NKAIN2: variants seen among roughly 807,000 people sequenced by gnomAD.
NKAIN2 encodes the protein sodium/potassium transporting ATPase interacting 2.
NKAIN2 carries 14 observed loss-of-function variants against 32.6 expected under a neutral mutation model. The observed-to-expected ratio is 0.43, with a 90% CI of 0.28 to 0.67. The LOEUF (loss-of-function observed/expected upper bound fraction) is 0.67. Among genes scored for constraint, NKAIN2 ranks in the 30% least tolerant of loss-of-function variants. NKAIN2 has a pLI of 0.17. For synonymous variants in NKAIN2, 80 were observed against 87.2 expected, an observed-to-expected ratio of 0.92 and a Z score of 0.46; for missense variants, 198 against 258.3, an observed-to-expected ratio of 0.77 and a Z score of 1.60.
chr6:124,011,970 T>C (rs900636277), intron 1 of NKAIN2, among the ~76,000 whole-genome samples: 3 of 152,196 alleles, frequency 2.0e-5, no homozygotes, highest in African/African-American at 7.2e-5. Context: ...TAGGTCAATC[T>C]GAGGTCTTGT....
At chr6:124,299,347 T>G (rs1796201411) in intron 2 of NKAIN2, among the ~76,000 whole-genome samples, 1 of 152,238 alleles carries the variant, frequency 6.6e-6, no homozygotes, top group Non-Finnish European at 1.5e-5. Context: ...ATTTGGAGAC[T>G]GAAACTGATA....
intron 1 of NKAIN2, among the ~76,000 whole-genome samples, chr6:124,112,055 TC>T (rs1282666389): frequency 6.6e-6 from 1 of 152,154 alleles, no homozygotes; most frequent in African/African-American, 2.4e-5. Flanking sequence ...AATAATTTTT[TC>T]TTTTAACTTT....
At chr6:124,736,093 C>A (rs1227954343) in intron 4 of NKAIN2, among the ~76,000 whole-genome samples, 3 of 151,794 alleles carry the variant, frequency 2.0e-5, no homozygotes, top group African/African-American at 7.3e-5. Flanking sequence ...AGGAAAAGTT[C>A]TTGAAGGAAA....
intron 1 of NKAIN2, among the ~76,000 whole-genome samples, chr6:124,214,095 A>G (rs1004918672): frequency 1.3e-5 from 2 of 152,202 alleles, no homozygotes; most frequent in Non-Finnish European, 2.9e-5. Context: ...ACAATAGACA[A>G]AACAATAAAT....
At chr6:124,651,262 G>C (rs928842188) in intron 3 of NKAIN2, among the ~76,000 whole-genome samples, 1 of 152,184 alleles carries the variant, frequency 6.6e-6, no homozygotes, top group African/African-American at 2.4e-5. Flanking sequence ...TCACAGGATA[G>C]GGTGTCATGA....
intron 3 of NKAIN2, among the ~76,000 whole-genome samples, chr6:124,469,949 T>A (rs1016972912): frequency 1.3e-5 from 2 of 152,184 alleles, no homozygotes; most frequent in African/African-American, 4.8e-5. Flanking sequence ...CTTCACTTAC[T>A]TCACCCTGAT....
intron 4 of NKAIN2, among the ~76,000 whole-genome samples, chr6:124,694,362 C>G (rs1446462769): frequency 6.6e-6 from 1 of 152,130 alleles, no homozygotes; most frequent in Non-Finnish European, 1.5e-5. Flanking sequence ...TTAAATCCAC[C>G]CCCCAACCCT....
At chr6:124,446,822 C>T (rs1405941979) in intron 3 of NKAIN2, among the ~76,000 whole-genome samples, 1 of 152,082 alleles carries the variant, frequency 6.6e-6, no homozygotes, top group Non-Finnish European at 1.5e-5. Context: ...TTTCCAGTGA[C>T]TTTCCAACCA....
intron 3 of NKAIN2, among the ~76,000 whole-genome samples, chr6:124,525,105 C>T (rs1302525553): frequency 1.3e-5 from 2 of 151,910 alleles, no homozygotes; most frequent in Non-Finnish European, 2.9e-5. Flanking sequence ...CTCAGTGAAC[C>T]GTTGACAGAA....
At chr6:124,683,674 C>G (rs1397748279) in intron 4 of NKAIN2, among the ~76,000 whole-genome samples, 1 of 152,148 alleles carries the variant, frequency 6.6e-6, no homozygotes, top group Admixed American at 6.6e-5. Context: ...TTGATCCCCC[C>G]CACCCTGCTT....
chr6:124,319,462 A>G lies in NKAIN2; in HGVS notation c.193-35805A>G, dbSNP rs1797086488. ...TTCAAGACTTTAAAAACATGTAGAG[A>G]ACCTCTATCATATGTCACTGGTGAT... is the stretch of plus-strand genomic sequence containing the variant. On this transcript the variant is annotated intron_variant, in intron 2 of 6. Transcript: ENST00000368417. 2.6e-5 allele frequency among the ~76,000 whole-genome samples: 4 copies of G among 152,092 alleles called. No homozygotes were observed. In the South Asian group the frequency reaches 8.3e-4, roughly 31 times the overall value.
At chr6:124,822,283 T>A (rs1246566144) in intron 6 of NKAIN2, among the ~76,000 whole-genome samples, 1 of 152,290 alleles carries the variant, frequency 6.6e-6, no homozygotes, top group East Asian at 1.9e-4. Flanking sequence ...GCATCTCCTA[T>A]GTCTTTATCA....
At chr6:124,592,856 G>A (rs1781960369) in intron 3 of NKAIN2, among the ~76,000 whole-genome samples, 1 of 152,066 alleles carries the variant, frequency 6.6e-6, no homozygotes, top group South Asian at 2.1e-4. Flanking sequence ...TGCTGGGCAT[G>A]GAATATGAAC....
chr6:124,476,789 C>T (rs550955447), intron 3 of NKAIN2, among the ~76,000 whole-genome samples: 1 of 152,064 alleles, frequency 6.6e-6, no homozygotes, highest in Non-Finnish European at 1.5e-5. Context: ...ACTGTTACTG[C>T]CCCTGTTTTA....
At chr6:124,720,123 A>G (rs1775943945) in intron 4 of NKAIN2, among the ~76,000 whole-genome samples, 1 of 152,222 alleles carries the variant, frequency 6.6e-6, no homozygotes, top group African/African-American at 2.4e-5. Flanking sequence ...GCATAATTTT[A>G]GCTAAAATAT....
chr6:124,602,570 G>T (rs926672540), intron 3 of NKAIN2, among the ~76,000 whole-genome samples: 2 of 151,822 alleles, frequency 1.3e-5, no homozygotes, highest in African/African-American at 4.8e-5. Flanking sequence ...GAGATGGAAA[G>T]ACAAAATACT....
At chr6:123,906,411 C>T (rs551844567) in intron 1 of NKAIN2, among the ~76,000 whole-genome samples, 1 of 152,090 alleles carries the variant, frequency 6.6e-6, no homozygotes, top group Non-Finnish European at 1.5e-5. Context: ...CCACCTCTGC[C>T]TCCTGAGTAG....
At chr6:124,376,573 A>C (rs1800003842) in intron 3 of NKAIN2, among the ~76,000 whole-genome samples, 1 of 152,084 alleles carries the variant, frequency 6.6e-6, no homozygotes. Context: ...CAAAGTTTAA[A>C]AGTTTTCTCT....
chr6:123,974,639 A>G (rs1052241897), intron 1 of NKAIN2, among the ~76,000 whole-genome samples: 7 of 152,166 alleles, frequency 4.6e-5, no homozygotes, highest in Non-Finnish European at 4.4e-5. Context: ...TGACCATTGA[A>G]TTGAAGAATG....
Sources: allele counts gnomAD v4.1 joint callset (sites outside exome capture counted in the v4.1 genomes callset), GRCh38; gene constraint gnomAD v4.1.1; transcripts MANE v1.5; gene names NCBI Gene and HGNC (gene_info 2026-07-23, HGNC 2026-07-21).